Variants in VAV3 observed in about 807,000 individuals in gnomAD.
The protein encoded by VAV3 is vav guanine nucleotide exchange factor 3.
Under a neutral mutation model 131.2 loss-of-function variants are expected in VAV3, and 94 were observed. The observed-to-expected ratio is 0.72, with a 90% confidence interval of 0.61 to 0.85. VAV3 has a LOEUF of 0.85. Among genes scored for constraint, VAV3 ranks in the 40% least tolerant of loss-of-function variants. The pLI, the probability that VAV3 is intolerant of heterozygous loss-of-function variation, is 0.00. For missense variants in VAV3, 939 were observed against 1,002.7 expected (o/e 0.94, Z 0.86); for synonymous variants, 349 against 342.0 (o/e 1.02, Z -0.22).
At chr1:107,574,272 G>T in intron 25 of VAV3, 74 bp from the exon 26 acceptor site, 1 of 1,535,662 alleles carries the variant, frequency 6.5e-7, no homozygotes, top group Non-Finnish European at 8.8e-7. Context: ...TCAGATGAAT[G>T]TTATTGATGC....
intron 15 of VAV3, among the ~76,000 whole-genome samples, chr1:107,739,074 T>C (rs1444704948): frequency 6.6e-6 from 1 of 152,238 alleles, no homozygotes; most frequent in African/African-American, 2.4e-5. Flanking sequence ...ACCAGGGTAA[T>C]GCTTATTTGC....
intron 2 of VAV3, among the ~76,000 whole-genome samples, chr1:107,822,834 T>A (rs748708236): frequency 2.0e-5 from 3 of 152,142 alleles, no homozygotes; most frequent in Non-Finnish European, 4.4e-5. Flanking sequence ...CTTGAACACC[T>A]ACTACATACC....
At chr1:107,844,002 T>TAAC (rs1458685974) in intron 2 of VAV3, among the ~76,000 whole-genome samples, 1 of 152,004 alleles carries the variant, frequency 6.6e-6, no homozygotes, top group East Asian at 1.9e-4. Context: ...ACTTTAACTT[T>TAAC]TAAAGTTTTC....
chr1:107,894,622 T>A (rs1671480579), intron 1 of VAV3, among the ~76,000 whole-genome samples: 1 of 152,242 alleles, frequency 6.6e-6, no homozygotes, highest in African/African-American at 2.4e-5. Context: ...TTACTCTCTC[T>A]ATAATTAAAG....
At position 107,751,117 on chromosome 1, in the gene VAV3, C is replaced by G. The variant is rs761582168; in HGVS notation, c.1259G>C (p.Arg420Thr). ...TTLDKHTKQE[R>T]HIFLFDLAVI... ...GAAAATAGTATTCTTCTTTTCTTAC[C>G]TTTCTTGTTTGGTATGCTTGTCTAG... Residue 420 changes from arginine to threonine, a missense_variant and splice_region_variant, in exon 13 of 27, where the codon AGG (arginine) becomes ACG (threonine). Physicochemically the swap from Arg to Thr is moderately conservative, Grantham distance 71. Transcript: ENST00000370056. The G allele has an allele frequency of 3.1e-6, 5 of 1,605,500 alleles. No homozygotes were observed. Among genetic ancestry groups the G allele is most frequent in the Non-Finnish European group, 4.2e-6 (5 of 1,177,346 alleles).
chr1:107,857,902 T>C (rs1669544671), intron 2 of VAV3, among the ~76,000 whole-genome samples: 1 of 152,132 alleles, frequency 6.6e-6, no homozygotes, highest in Non-Finnish European at 1.5e-5. Flanking sequence ...ACATGGGAAA[T>C]TTTTCATTAA....
intron 2 of VAV3, among the ~76,000 whole-genome samples, chr1:107,816,840 C>T (rs1324092608): frequency 1.3e-5 from 2 of 152,210 alleles, no homozygotes; most frequent in Admixed American, 6.5e-5. Flanking sequence ...CAGAGAGGTT[C>T]AGGGATGGTC....
chr1:107,581,938 C>T (rs1436725965), intron 25 of VAV3, among the ~76,000 whole-genome samples: 1 of 152,186 alleles, frequency 6.6e-6, no homozygotes, highest in Non-Finnish European at 1.5e-5. Flanking sequence ...TATCAGAGAA[C>T]ATTACCCTAA....
At chr1:107,938,920 A>C (rs1673853692) in intron 1 of VAV3, among the ~76,000 whole-genome samples, 1 of 152,220 alleles carries the variant, frequency 6.6e-6, no homozygotes, top group South Asian at 2.1e-4. Context: ...GTTTCAGCCA[A>C]TCTCAGGTGG....
intron 19 of VAV3, among the ~76,000 whole-genome samples, chr1:107,675,999 G>T (rs1488950797): frequency 6.6e-6 from 1 of 152,140 alleles, no homozygotes; most frequent in Non-Finnish European, 1.5e-5. Context: ...TCAAACAGAG[G>T]ATCCTACAAA....
At chr1:107,642,830 T>C in intron 19 of VAV3, 75 bp from the exon 20 acceptor site, 1 of 1,587,794 alleles carries the variant, frequency 6.3e-7, no homozygotes, top group Middle Eastern at 1.8e-4. Context: ...TTACAAAAAA[T>C]GTCATTATTA....
chr1:107,712,510 T>C (rs1244000839), intron 15 of VAV3, among the ~76,000 whole-genome samples: 1 of 152,212 alleles, frequency 6.6e-6, no homozygotes, highest in African/African-American at 2.4e-5. Flanking sequence ...AATACTAAAA[T>C]GTTTTTAGAA....
At chr1:107,805,724 T>G (rs1453607810) in intron 2 of VAV3, among the ~76,000 whole-genome samples, 1 of 152,242 alleles carries the variant, frequency 6.6e-6, no homozygotes, top group Non-Finnish European at 1.5e-5. Flanking sequence ...TTCTTGTGGA[T>G]GCATCTCCGT....
intron 1 of VAV3, among the ~76,000 whole-genome samples, chr1:107,918,337 C>T (rs1012227734): frequency 6.6e-6 from 1 of 152,170 alleles, no homozygotes; most frequent in Non-Finnish European, 1.5e-5. Context: ...ATTTTACCAA[C>T]AGCAGACCTG....
intron 15 of VAV3, among the ~76,000 whole-genome samples, chr1:107,707,280 A>G (rs1337605578): frequency 6.6e-6 from 1 of 152,360 alleles, no homozygotes; most frequent in East Asian, 1.9e-4. Flanking sequence ...GCAGTATTGA[A>G]TAAAAAGCAT....
chr1:107,871,105 C>A (rs535024891), intron 2 of VAV3, among the ~76,000 whole-genome samples: 1 of 151,908 alleles, frequency 6.6e-6, no homozygotes. Flanking sequence ...ACATACAGTA[C>A]GGAAACGAAC....
chr1:107,684,172 G>C (rs2101745242), intron 18 of VAV3, among the ~76,000 whole-genome samples: 1 of 152,312 alleles, frequency 6.6e-6, no homozygotes, highest in Admixed American at 6.5e-5. Context: ...AATTACAGAT[G>C]AAACACAAAA....
intron 2 of VAV3, among the ~76,000 whole-genome samples, chr1:107,808,434 T>C (rs1450552191): frequency 6.6e-6 from 1 of 152,192 alleles, no homozygotes; most frequent in Non-Finnish European, 1.5e-5. Flanking sequence ...AACATCATTT[T>C]CTTACAACAT....
intron 15 of VAV3, among the ~76,000 whole-genome samples, chr1:107,714,464 T>C (rs532599193): frequency 6.6e-6 from 1 of 152,244 alleles, no homozygotes; most frequent in South Asian, 2.1e-4. Context: ...AGATACAATC[T>C]TAAAGCTCTC....
Sources: allele counts gnomAD v4.1 joint callset (sites outside exome capture counted in the v4.1 genomes callset), GRCh38; gene constraint gnomAD v4.1.1; transcripts MANE v1.5; gene names NCBI Gene and HGNC (gene_info 2026-07-23, HGNC 2026-07-21).